Variants in GALNTL6 observed in about 807,000 individuals in gnomAD.
GALNTL6 encodes polypeptide N-acetylgalactosaminyltransferase-like 6.
In GALNTL6, 46 loss-of-function variants were observed where a neutral mutation model predicts 73.7. The ratio of observed to expected loss-of-function variants is 0.62; its 90% CI spans 0.49 to 0.80. The LOEUF (loss-of-function observed/expected upper bound fraction) is 0.80, where lower values mean the gene tolerates loss of function less well. GALNTL6 is among the 30% of genes least tolerant of loss of function. The pLI, the probability that GALNTL6 is intolerant of heterozygous loss-of-function variation, is 0.00. For synonymous variants in GALNTL6, 259 were observed against 263.7 expected (o/e 0.98, Z 0.17); for missense variants, 604 against 755.0 (o/e 0.80, Z 2.34).
intron 2 of GALNTL6, among the ~76,000 whole-genome samples, chr4:172,027,491 T>A (rs74464149): frequency 0.013 from 1,919 of 152,226 alleles, 12 homozygotes; most frequent in Non-Finnish European, 0.018. Flanking sequence ...GCTGTGTGTG[T>A]TCTGACTGAT....
At chr4:172,373,074 C>CA (rs1379060093) in intron 5 of GALNTL6, among the ~76,000 whole-genome samples, 5 of 152,174 alleles carry the variant, frequency 3.3e-5, no homozygotes, top group African/African-American at 1.2e-4. Context: ...TAGCCAAGAG[C>CA]AAATCATCCA....
At chr4:172,887,638 A>T (rs1024277236) in intron 8 of GALNTL6, among the ~76,000 whole-genome samples, 1 of 151,872 alleles carries the variant, frequency 6.6e-6, no homozygotes, top group Non-Finnish European at 1.5e-5. Context: ...ATCTCAGCTC[A>T]CTGCAATCTC....
At chr4:172,933,386 T>C (rs1485608424) in intron 9 of GALNTL6, among the ~76,000 whole-genome samples, 1 of 152,100 alleles carries the variant, frequency 6.6e-6, no homozygotes, top group Non-Finnish European at 1.5e-5. Context: ...AAACTGTTCA[T>C]ATATTTTCAA....
At position 173,007,737 on chromosome 4, in the gene GALNTL6, T is replaced by C. The variant is rs554755251; in HGVS notation, c.1372-1441T>C. 4.7e-4 allele frequency among the ~76,000 whole-genome samples: 72 copies of C among 151,846 alleles called. 1 individual carries two copies. Among genetic ancestry groups the C allele is most frequent in the East Asian group, 1.4e-3 (7 of 5,154 alleles). Reference sequence around the variant, plus strand: ...AGGATAATTGCTTGAACCTGGGAGGTGGAGGTTGCAGTGAGCCGAGATTGC... The same window carrying C: ...AGGATAATTGCTTGAACCTGGGAGGCGGAGGTTGCAGTGAGCCGAGATTGC... On this transcript the variant is annotated intron_variant, in intron 10 of 12. Coordinates refer to ENST00000506823, the MANE Select transcript of GALNTL6 (RefSeq NM_001034845.3).
intron 2 of GALNTL6, among the ~76,000 whole-genome samples, chr4:172,005,161 G>C (rs570121900): frequency 6.6e-6 from 1 of 151,878 alleles, no homozygotes; most frequent in African/African-American, 2.4e-5. Flanking sequence ...GTCTCACTCT[G>C]TCACCCAGGC....
intron 2 of GALNTL6, among the ~76,000 whole-genome samples, chr4:172,136,862 C>T (rs139252051): frequency 2.6e-5 from 4 of 151,930 alleles, no homozygotes; most frequent in East Asian, 1.9e-4. Flanking sequence ...AGTCAAGCTA[C>T]GATTTTTATT....
In GALNTL6 at chr4:172,813,431, G is replaced by A. The variant is rs1741423772; in HGVS notation, c.740-109G>A. ...GGCTCTAAGGAGGACAGGGAGCCAC[G>A]GCTGCAAGCATTATGCATTAGTGGA... On this transcript the variant is annotated intron_variant, in intron 6 of 12. Coordinates refer to ENST00000506823, the MANE Select transcript of GALNTL6 (RefSeq NM_001034845.3). 8 of 811,786 alleles carry A rather than the reference G, an allele frequency of 9.9e-6. No individual in the cohort carries two copies. In the South Asian group the frequency reaches 1.7e-4, roughly 17 times the overall value. 50.3% of individuals were successfully genotyped at this position (811,786 alleles called of 1,614,324 possible).
chr4:172,973,340 T>G (rs948428664), intron 10 of GALNTL6, among the ~76,000 whole-genome samples: 1 of 152,210 alleles, frequency 6.6e-6, no homozygotes, highest in Non-Finnish European at 1.5e-5. Flanking sequence ...AAATATTCTT[T>G]TTATAAAACC....
At chr4:171,922,847 A>G (rs1314695370) in intron 2 of GALNTL6, among the ~76,000 whole-genome samples, 1 of 152,122 alleles carries the variant, frequency 6.6e-6, no homozygotes, top group African/African-American at 2.4e-5. Flanking sequence ...TTAAATGCTA[A>G]TAAATAACAT....
chr4:172,911,209 C>T (rs969470590), intron 8 of GALNTL6, among the ~76,000 whole-genome samples: 2 of 152,176 alleles, frequency 1.3e-5, no homozygotes, highest in Non-Finnish European at 2.9e-5. Flanking sequence ...TCTCATTTTA[C>T]GATTTTACAC....
intron 5 of GALNTL6, among the ~76,000 whole-genome samples, chr4:172,396,323 T>A (rs910328045): frequency 1.1e-4 from 17 of 151,798 alleles, no homozygotes; most frequent in Admixed American, 5.3e-4. Context: ...TTTCTTTTTT[T>A]TTTTTTTAAG....
At chr4:172,493,525 A>G (rs1241343230) in intron 5 of GALNTL6, among the ~76,000 whole-genome samples, 1 of 152,218 alleles carries the variant, frequency 6.6e-6, no homozygotes, top group Non-Finnish European at 1.5e-5. Flanking sequence ...CAGGATAACC[A>G]ATATTTCCAA....
intron 2 of GALNTL6, among the ~76,000 whole-genome samples, chr4:172,046,421 A>T (rs183079048): frequency 1.8e-3 from 267 of 152,254 alleles, no homozygotes; most frequent in African/African-American, 6.1e-3. Context: ...CGTCATTAAC[A>T]TTAGGTATTT....
chr4:172,861,223 AAACTTTT>A (rs1744374783), intron 7 of GALNTL6, among the ~76,000 whole-genome samples: 1 of 152,108 alleles, frequency 6.6e-6, no homozygotes, highest in Non-Finnish European at 1.5e-5. Flanking sequence ...GGTGAGAAAT[AAACTTTT>A]TGTTTCATCA....
chr4:172,910,678 A>G (rs990155985), intron 8 of GALNTL6, among the ~76,000 whole-genome samples: 1 of 152,234 alleles, frequency 6.6e-6, no homozygotes, highest in Non-Finnish European at 1.5e-5. Context: ...AATCCAAGGT[A>G]TTGATTAGGC....
chr4:172,027,575 A>T (rs926687788), intron 2 of GALNTL6, among the ~76,000 whole-genome samples: 2 of 152,044 alleles, frequency 1.3e-5, no homozygotes, highest in African/African-American at 4.8e-5. Context: ...CGATACTGAA[A>T]TTAGTCCAAC....
Position 172,053,424 on chromosome 4 carries a change from G to T in GALNTL6, c.139-176232G>T, listed in dbSNP as rs551296681. Reference sequence around the variant, plus strand: ...CCAAAAGAAAAATCATTAAGGTGAGGATAGAGGTAGCCATTCTCCTGAAAG... The same window carrying T: ...CCAAAAGAAAAATCATTAAGGTGAGTATAGAGGTAGCCATTCTCCTGAAAG... On this transcript the variant is annotated intron_variant, in intron 2 of 12. Transcript: ENST00000506823. 2.2e-3 allele frequency among the ~76,000 whole-genome samples: 338 copies of T among 152,234 alleles called. 1 individual carries two copies. Among genetic ancestry groups the T allele is most frequent in the Middle Eastern group, 0.017 (5 of 294 alleles).
intron 2 of GALNTL6, among the ~76,000 whole-genome samples, chr4:172,024,784 G>A (rs34046785): frequency 0.023 from 3,549 of 151,860 alleles, 145 homozygotes; most frequent in African/African-American, 0.081. Context: ...AAACACAGAA[G>A]TGCTATTGTC....
intron 5 of GALNTL6, among the ~76,000 whole-genome samples, chr4:172,436,734 G>T (rs1323992938): frequency 6.6e-6 from 1 of 152,030 alleles, no homozygotes. Context: ...ACAGCTTTCT[G>T]TTTTTCCACT....
Sources: allele counts gnomAD v4.1 joint callset (sites outside exome capture counted in the v4.1 genomes callset), GRCh38; gene constraint gnomAD v4.1.1; transcripts MANE v1.5; gene names NCBI Gene and HGNC (gene_info 2026-07-23, HGNC 2026-07-21).